DNAH7: variants seen among roughly 807,000 people sequenced by gnomAD.
DNAH7 encodes the protein dynein axonemal heavy chain 7.
In DNAH7, 397 loss-of-function variants were observed where a neutral mutation model predicts 444.6. That is an observed-to-expected ratio of 0.89 (90% confidence interval 0.82 to 0.97). The LOEUF (loss-of-function observed/expected upper bound fraction) is 0.97, where lower values mean the gene tolerates loss of function less well. DNAH7 is among the 50% of genes least tolerant of loss of function. The pLI, the probability that DNAH7 is intolerant of heterozygous loss-of-function variation, is 0.00. For synonymous variants in DNAH7, 1,636 were observed against 1,624.4 expected (o/e 1.01, Z -0.17); for missense variants, 4,902 against 4,800.8 (o/e 1.02, Z -0.62).
At chr2:195,867,495 A>G (rs1700413054) in intron 40 of DNAH7, among the ~76,000 whole-genome samples, 1 of 152,172 alleles carries the variant, frequency 6.6e-6, no homozygotes, top group South Asian at 2.1e-4. Context: ...ACAGAATCAG[A>G]ATATTCACAA....
intron 57 of DNAH7, among the ~76,000 whole-genome samples, chr2:195,789,715 A>G (rs991469073): frequency 6.6e-6 from 1 of 152,164 alleles, no homozygotes; most frequent in Non-Finnish European, 1.5e-5. Context: ...AACATCACCT[A>G]TGGAATATCT....
At chr2:195,773,979 A>G (rs1694955003) in intron 60 of DNAH7, among the ~76,000 whole-genome samples, 1 of 152,218 alleles carries the variant, frequency 6.6e-6, no homozygotes, top group African/African-American at 2.4e-5. Context: ...TTACCTCTGA[A>G]TTGTGATAAA....
intron 47 of DNAH7, among the ~76,000 whole-genome samples, chr2:195,838,948 A>G (rs778761096): frequency 3.9e-5 from 6 of 151,964 alleles, no homozygotes; most frequent in African/African-American, 7.2e-5. Context: ...GCTAAAACTG[A>G]TAAGACTGAA....
rs1026230080 is a variant in DNAH7, at chr2:196,056,282, T to C, written c.78+1772A>G. 1.1e-4 allele frequency among the ~76,000 whole-genome samples: 16 copies of C among 151,780 alleles called. 1 individual carries two copies. The highest frequency in any genetic ancestry group is 9.2e-4 in the Admixed American group (14 of 15,244). The stretch of plus-strand genomic sequence containing the variant: ...CAACATGGTGAAACCACATCTCTAC[T>C]AAAAATACAAAAATTAGGCAGGCGT... On this transcript the variant is annotated intron_variant, in intron 2 of 64. Coordinates refer to ENST00000312428, the MANE Select transcript of DNAH7 (RefSeq NM_018897.3).
intron 27 of DNAH7, among the ~76,000 whole-genome samples, chr2:195,905,993 G>C (rs1305832320): frequency 1.3e-5 from 2 of 151,984 alleles, no homozygotes; most frequent in Non-Finnish European, 2.9e-5. Flanking sequence ...AAAGCACACT[G>C]AATGTCCAAA....
At chr2:196,003,208 G>C (rs1179655081) in intron 10 of DNAH7, among the ~76,000 whole-genome samples, 3 of 148,392 alleles carry the variant, frequency 2.0e-5, no homozygotes, top group Non-Finnish European at 3.0e-5. Context: ...GGCCCTGAGA[G>C]AAAGATTCAA....
At chr2:195,827,973 A>T (rs896042938) in intron 48 of DNAH7, among the ~76,000 whole-genome samples, 2 of 152,212 alleles carry the variant, frequency 1.3e-5, no homozygotes, top group African/African-American at 2.4e-5. Context: ...AGAATAGTAT[A>T]TAATTGGTAC....
chr2:196,013,726 A>G (rs946416707), intron 9 of DNAH7, among the ~76,000 whole-genome samples: 2 of 152,224 alleles, frequency 1.3e-5, no homozygotes, highest in Admixed American at 1.3e-4. Context: ...TAGAGAACCA[A>G]TGTGTTATTC....
At chr2:195,837,060 T>C (rs1335458835) in intron 47 of DNAH7, among the ~76,000 whole-genome samples, 1 of 152,250 alleles carries the variant, frequency 6.6e-6, no homozygotes, top group African/African-American at 2.4e-5. Flanking sequence ...TAATATTCTA[T>C]TATGGTAATT....
rs939111325 is a variant in DNAH7, at chr2:195,806,734, A to G, written c.10176+6T>C. 1.9e-6 allele frequency: 3 copies of G among 1,612,242 alleles called. No individual in the cohort carries two copies. The highest frequency in any genetic ancestry group is 1.3e-5 in the African/African-American group (1 of 74,860). ...TCATTGAGCTGTTTTCAAAGCCCAC[A>G]TTTACCTTGTCTGGCCTCAAGCAAC... is the stretch of plus-strand genomic sequence containing the variant. On this transcript the variant is annotated splice_donor_region_variant and intron_variant, in intron 54 of 64. Coordinates refer to ENST00000312428, the MANE Select transcript of DNAH7 (RefSeq NM_018897.3).
At position 195,960,486 on chromosome 2, in the gene DNAH7, C is replaced by G. The variant is rs866389377; in HGVS notation, c.2665G>C (p.Glu889Gln). Residue 889 changes from glutamate to glutamine, a missense_variant, in exon 18 of 65, where the codon GAA (glutamate) becomes CAA (glutamine). Coordinates refer to ENST00000312428, the MANE Select transcript of DNAH7 (RefSeq NM_018897.3). ...MNLEPYIDRF[E>Q]GISEAASKEY... is the part of the protein sequence containing the mutation. ...TTGCTAGCTGCTTCACTAATACCTT[C>G]AAATCGGTCTATATATGGTTCCAGA... 13 of 1,614,044 alleles carry G rather than the reference C, an allele frequency of 8.1e-6. No individual in the cohort carries two copies. The highest frequency in any genetic ancestry group is 1.3e-5 in the African/African-American group (1 of 74,936).
At position 195,796,576 on chromosome 2, in the gene DNAH7, C is replaced by A. The variant is rs1231915298; in HGVS notation, c.10515G>T (p.Glu3505Asp). The change falls in exon 56 of 65, where the codon GAG becomes GAT. Residue 3505 changes from glutamate (E) to aspartate (D), a missense_variant and splice_region_variant. Coordinates refer to ENST00000312428, the MANE Select transcript of DNAH7 (RefSeq NM_018897.3). ...SWMPTLEKVC[E>D]ELSPESTHPD... ...AATAAGTATAAACTTGCATTTTTAC[C>A]TCACAGACTTTCTCAAGGGTTGGCA... 1.2e-6 allele frequency: 2 copies of A among 1,613,938 alleles called. No individual in the cohort carries two copies. Among genetic ancestry groups the A allele is most frequent in the Non-Finnish European group, 1.7e-6 (2 of 1,179,928 alleles).
Position 196,019,160 on chromosome 2 carries a change from AT to A in DNAH7, c.869+9del. 5 of 1,464,216 alleles carry A rather than the reference AT, an allele frequency of 3.4e-6. No individual in the cohort carries two copies. The highest frequency in any genetic ancestry group is 4.6e-6 in the Non-Finnish European group (5 of 1,094,960). The allele number at this position is 1,464,216 out of a possible 1,614,324, so 90.7% of individuals were successfully genotyped here. A position where few individuals can be genotyped will look rare whatever the true frequency, so the allele number is the denominator to read the frequency against. On this transcript the variant is annotated intron_variant, in intron 9 of 64. Coordinates refer to ENST00000312428, the MANE Select transcript of DNAH7 (RefSeq NM_018897.3). ...ATTTTAAAAACCTCTATAAGGCCAC[AT>A]ATACTCACTTAAAATTAGTGTGCCA... is the stretch of plus-strand genomic sequence containing the variant.
intron 58 of DNAH7, among the ~76,000 whole-genome samples, chr2:195,778,715 T>C (rs1165216289): frequency 2.0e-5 from 1 of 50,034 alleles, no homozygotes; most frequent in Non-Finnish European, 4.0e-5. Flanking sequence ...CACATATATA[T>C]ACACATATAT....
At position 195,884,740 on chromosome 2, in the gene DNAH7, T is replaced by C. The variant is rs1245084824; in HGVS notation, c.5608A>G (p.Asn1870Asp). 11 of 1,614,150 alleles carry C rather than the reference T, an allele frequency of 6.8e-6. No homozygotes were observed. In the South Asian group the frequency reaches 9.9e-5, roughly 15 times the overall value. ...SCTDDDRLKFNKILRELMESP... is the reference protein window; with the variant it reads ...SCTDDDRLKFDKILRELMESP... ...TCCATTAGTTCTCGAAGAATCTTAT[T>C]AAATTTCAATCGATCATCATCTGTA... The change falls in exon 35 of 65, where the codon AAT (asparagine) becomes GAT (aspartate). Residue 1870 changes from asparagine to aspartate, a missense_variant. Coordinates refer to ENST00000312428, the MANE Select transcript of DNAH7 (RefSeq NM_018897.3).
At position 195,799,479 on chromosome 2, in the gene DNAH7, A is replaced by G; in HGVS notation, c.10177-7T>C. 6.3e-7 allele frequency: 1 copy of G among 1,578,410 alleles called. No homozygotes were observed. The highest frequency in any genetic ancestry group is 8.6e-7 in the Non-Finnish European group (1 of 1,163,778). ...CCTGCAACATTGGAATAACCTAGAA[A>G]GAGACAAGGATATAGTTGGAAGAAT... On this transcript the variant is annotated splice_region_variant and splice_polypyrimidine_tract_variant and intron_variant, in intron 54 of 64. Transcript: ENST00000312428.
At chr2:195,826,963 C>CT (rs984507554) in intron 48 of DNAH7, among the ~76,000 whole-genome samples, 2 of 152,166 alleles carry the variant, frequency 1.3e-5, no homozygotes, top group African/African-American at 4.8e-5. Context: ...AAGAAATATC[C>CT]TTTAAGGGTG....
intron 57 of DNAH7, 89 bp from the exon 58 acceptor site, chr2:195,787,260 T>C (rs1574432904): frequency 9.5e-6 from 13 of 1,371,660 alleles, no homozygotes; most frequent in Non-Finnish European, 1.2e-5. Context: ...CAAATTTCTT[T>C]CATTTATAAA....
Position 195,757,338 on chromosome 2 carries a change from A to G in DNAH7, c.11434-1053T>C, listed in dbSNP as rs183372439. ...AAAAGTTAAAATGTCCTGGAATTGA[A>G]TTATGAAGTCTAGTTGACCATTTCC... On this transcript the variant is annotated intron_variant, in intron 61 of 64. Transcript: ENST00000312428. 4.6e-5 allele frequency among the ~76,000 whole-genome samples: 7 copies of G among 152,316 alleles called. No homozygotes were observed. In the East Asian group the frequency reaches 1.3e-3, roughly 29 times the overall value.
Sources: allele counts gnomAD v4.1 joint callset (sites outside exome capture counted in the v4.1 genomes callset), GRCh38; gene constraint gnomAD v4.1.1; transcripts MANE v1.5; gene names NCBI Gene and HGNC (gene_info 2026-07-23, HGNC 2026-07-21).